MBD2: variants seen among roughly 807,000 people sequenced by gnomAD.
MBD2 encodes the protein methyl-CpG binding domain protein 2.
A neutral mutation model predicts 39.3 loss-of-function variants in MBD2; 9 were observed. That is an observed-to-expected ratio of 0.23 (90% CI 0.14 to 0.40). MBD2 has a LOEUF of 0.40. Among genes scored for constraint, MBD2 ranks in the 10% least tolerant of loss-of-function variants. The pLI, the probability that MBD2 is intolerant of heterozygous loss-of-function variation, is 1.00. For synonymous variants in MBD2, 233 were observed against 211.1 expected (o/e 1.10, Z -0.90); for missense variants, 458 against 532.6 (o/e 0.86, Z 1.38).
At chr18:54,203,599 G>A (rs575374995) in intron 2 of MBD2, among the ~76,000 whole-genome samples, 46 of 152,302 alleles carry the variant, frequency 3.0e-4, no homozygotes, top group African/African-American at 1.1e-3. Context: ...CCAATGCGAG[G>A]TATGATATGA....
At chr18:54,156,669 A>G (rs11663319) in intron 6 of MBD2, among the ~76,000 whole-genome samples, 1,623 of 152,220 alleles carry the variant, frequency 0.011, 15 homozygotes, top group Middle Eastern at 0.02. Context: ...CCTGCCCAAC[A>G]TGGCGAAAAC....
intron 1 of MBD2, among the ~76,000 whole-genome samples, chr18:54,217,636 A>C (rs2086572206): frequency 1.3e-5 from 2 of 152,226 alleles, no homozygotes; most frequent in Non-Finnish European, 2.9e-5. Flanking sequence ...TAAAAACCAA[A>C]ATCAAAAAAA....
At chr18:54,193,338 ATTCT>A (rs1294727066) in intron 2 of MBD2, among the ~76,000 whole-genome samples, 1 of 152,238 alleles carries the variant, frequency 6.6e-6, no homozygotes, top group Non-Finnish European at 1.5e-5. Flanking sequence ...TGAAGCAGAA[ATTCT>A]TTGTTACAAA....
In MBD2 at chr18:54,194,767, C is replaced by T. The variant is rs145889360; in HGVS notation, c.703-5756G>A. Among the ~76,000 whole-genome samples the T allele has an allele frequency of 7.6e-3, 1,152 of 152,050 alleles. 18 individuals are homozygous for T. Among genetic ancestry groups the T allele is most frequent in the African/African-American group, 0.026 (1,064 of 41,506 alleles). On this transcript the variant is annotated intron_variant, in intron 2 of 6. Transcript: ENST00000256429. ...TTCCACGCCATTCAAATTCTCTGAACTCCTTTTGAGTTATATGATAGAATG... is the reference window on the plus strand; with the variant it reads ...TTCCACGCCATTCAAATTCTCTGAATTCCTTTTGAGTTATATGATAGAATG...
chr18:54,206,747 T>C (rs2086453048), intron 1 of MBD2, among the ~76,000 whole-genome samples: 1 of 149,866 alleles, frequency 6.7e-6, no homozygotes, highest in African/African-American at 2.4e-5. Flanking sequence ...CAGATGAAAA[T>C]AACAACCAGT....
chr18:54,185,158 G>A (rs2086277255), intron 3 of MBD2, among the ~76,000 whole-genome samples: 1 of 152,124 alleles, frequency 6.6e-6, no homozygotes, highest in Admixed American at 6.5e-5. Flanking sequence ...TATCAGGAAA[G>A]TTTCTTCTAA....
chr18:54,205,189 G>A lies in MBD2; in HGVS notation c.543-32C>T, dbSNP rs1176497556. The A allele has an allele frequency of 6.3e-6, 10 of 1,598,270 alleles. No individual in the cohort carries two copies. In the East Asian group the frequency reaches 1.3e-4, roughly 21 times the overall value. On this transcript the variant is annotated intron_variant, in intron 1 of 6. Coordinates refer to ENST00000256429, the MANE Select transcript of MBD2 (RefSeq NM_003927.5). Reference sequence around the variant, plus strand: ...GAAAGTAAGGTTAATTGAACAAAAGGCAACAATATTCTCCACATAAGCCTT... The same window carrying A: ...GAAAGTAAGGTTAATTGAACAAAAGACAACAATATTCTCCACATAAGCCTT...
chr18:54,210,279 C>T (rs1287146542), intron 1 of MBD2, among the ~76,000 whole-genome samples: 1 of 152,094 alleles, frequency 6.6e-6, no homozygotes, highest in Non-Finnish European at 1.5e-5. Flanking sequence ...CATTTCATCA[C>T]TTAAAAATAA....
intron 3 of MBD2, among the ~76,000 whole-genome samples, chr18:54,184,764 T>TA (rs2086273255): frequency 6.6e-6 from 1 of 152,214 alleles, no homozygotes; most frequent in South Asian, 2.1e-4. Flanking sequence ...TCACTTTTCT[T>TA]AAACACCTAT....
intron 6 of MBD2, among the ~76,000 whole-genome samples, chr18:54,157,924 T>G (rs891574591): frequency 6.6e-6 from 1 of 152,174 alleles, no homozygotes; most frequent in African/African-American, 2.4e-5. Flanking sequence ...TCCCAACCTA[T>G]TGGCATGTCA....
chr18:54,200,690 G>GAA (rs2086399778), intron 2 of MBD2, among the ~76,000 whole-genome samples: 1 of 151,972 alleles, frequency 6.6e-6, no homozygotes, highest in Non-Finnish European at 1.5e-5. Context: ...TTTGCATATT[G>GAA]AGGCGCAAAG....
chr18:54,207,667 T>C (rs1296014409), intron 1 of MBD2, among the ~76,000 whole-genome samples: 1 of 152,252 alleles, frequency 6.6e-6, no homozygotes, highest in Non-Finnish European at 1.5e-5. Context: ...TTTTACCACA[T>C]AAGAAATAAA....
At chr18:54,221,017 T>C (rs1435517641) in intron 1 of MBD2, among the ~76,000 whole-genome samples, 1 of 152,228 alleles carries the variant, frequency 6.6e-6, no homozygotes, top group Non-Finnish European at 1.5e-5. Context: ...ATCTGTTCAA[T>C]GTGTCCTTCC....
chr18:54,156,597 C>A (rs749885116), intron 6 of MBD2, among the ~76,000 whole-genome samples: 12 of 152,228 alleles, frequency 7.9e-5, no homozygotes, highest in South Asian at 2.1e-4. Context: ...GTAATCCCAG[C>A]ACTTTGGGAG....
chr18:54,163,988 G>C (rs984405749), intron 5 of MBD2, among the ~76,000 whole-genome samples: 40 of 152,056 alleles, frequency 2.6e-4, no homozygotes, highest in African/African-American at 9.2e-4. Flanking sequence ...TGCTCAAGCA[G>C]TCCTCCCACC....
At chr18:54,196,515 T>C (rs926493674) in intron 2 of MBD2, among the ~76,000 whole-genome samples, 4 of 152,190 alleles carry the variant, frequency 2.6e-5, no homozygotes, top group Non-Finnish European at 1.5e-5. Context: ...CTCCTTTACT[T>C]CTCAGTTGGC....
chr18:54,202,441 T>C (rs1306058896), intron 2 of MBD2, among the ~76,000 whole-genome samples: 1 of 152,216 alleles, frequency 6.6e-6, no homozygotes, highest in Non-Finnish European at 1.5e-5. Context: ...TTCTTTACAC[T>C]GTACCATCAT....
At chr18:54,188,625 T>C (rs771549252) in intron 3 of MBD2, among the ~76,000 whole-genome samples, 2 of 152,220 alleles carry the variant, frequency 1.3e-5, no homozygotes, top group Non-Finnish European at 2.9e-5. Context: ...CTGATGTATA[T>C]TACCACACGA....
chr18:54,191,429 A>G (rs2086319368), intron 2 of MBD2, among the ~76,000 whole-genome samples: 1 of 152,238 alleles, frequency 6.6e-6, no homozygotes, highest in Admixed American at 6.5e-5. Flanking sequence ...CAGCACCTAA[A>G]AATCTAGAGT....
Sources: gnomAD v4.1 joint callset for allele counts (sites outside exome capture counted in the v4.1 genomes callset) on GRCh38, gnomAD v4.1.1 for gene constraint, MANE v1.5 for transcripts, NCBI Gene and HGNC (gene_info 2026-07-23, HGNC 2026-07-21) for gene names.